The following TUBGCP2 variants were observed in gnomAD, a reference collection of about 807,000 sequenced individuals.
The protein encoded by TUBGCP2 is tubulin gamma complex component 2.
TUBGCP2 carries 55 observed loss-of-function variants against 92.2 expected under a neutral mutation model. The observed-to-expected ratio is 0.60, with a 90% CI of 0.48 to 0.75. TUBGCP2 has a LOEUF of 0.75. Ranked by LOEUF, TUBGCP2 falls within the 30% of genes least tolerant of loss-of-function variation. The probability of loss-of-function intolerance (pLI) is 0.00; values close to 1 mark genes in which losing one functional copy is unlikely to be tolerated. For missense variants in TUBGCP2, 1,093 were observed against 1,188.9 expected (o/e 0.92, Z 1.19); for synonymous variants, 533 against 505.2 (o/e 1.06, Z -0.74).
rs1846913002 is a variant in TUBGCP2, at chr10:133,279,587, G to T, written c.*179C>A. 2 of 912,072 alleles carry T rather than the reference G, an allele frequency of 2.2e-6. No individual in the cohort carries two copies. The highest frequency in any genetic ancestry group is 1.5e-6 in the Non-Finnish European group (1 of 649,412). 56.5% of individuals were successfully genotyped at this position (912,072 alleles called of 1,614,324 possible). The stretch of plus-strand genomic sequence containing the variant: ...ATCCAGGGAGACATCCACCCTGCCT[G>T]GGCAGCTTCTATAAAACGAAACCCA... On this transcript the variant is annotated 3_prime_UTR_variant, in exon 18 of 18. Coordinates refer to ENST00000252936, the MANE Select transcript of TUBGCP2 (RefSeq NM_006659.4).
chr10:133,280,440 C>T (rs1846938061), intron 17 of TUBGCP2, among the ~76,000 whole-genome samples: 1 of 152,244 alleles, frequency 6.6e-6, no homozygotes, highest in African/African-American at 2.4e-5. Context: ...TTCCCAAGGA[C>T]AGCACCCCCA....
Position 133,292,703 on chromosome 10 carries a change from G to C in TUBGCP2, c.1025-15C>G. On this transcript the variant is annotated splice_polypyrimidine_tract_variant and intron_variant, in intron 7 of 17. Coordinates refer to ENST00000252936, the MANE Select transcript of TUBGCP2 (RefSeq NM_006659.4). Reference sequence around the variant, plus strand: ...CACCGAGGTGGCTGTGGGGAGAAAGGAGGGCTCACTGCTGAGAAGGAAGCG... The same window carrying C: ...CACCGAGGTGGCTGTGGGGAGAAAGCAGGGCTCACTGCTGAGAAGGAAGCG... 6.2e-7 allele frequency: 1 copy of C among 1,609,524 alleles called. No individual in the cohort carries two copies. The highest frequency in any genetic ancestry group is 2.2e-5 in the East Asian group (1 of 44,690).
rs1266450060 is a variant in TUBGCP2 at position 133,285,704 on chromosome 10, C to T, written c.1723-76G>A. The T allele has an allele frequency of 1.7e-5, 24 of 1,396,466 alleles. No individual in the cohort carries two copies. The East Asian group carries it at 2.6e-4, about 15-fold the overall frequency. The allele number at this position is 1,396,466 out of a possible 1,614,324, so 86.5% of individuals were successfully genotyped here. A position where few individuals can be genotyped will look rare whatever the true frequency, so the allele number is the denominator to read the frequency against. The stretch of plus-strand genomic sequence containing the variant: ...GAAGTCGCATCCCGATCGCCATCCT[C>T]GCTCACAGACCCAGCGCTGACGTAA... On this transcript the variant is annotated intron_variant, in intron 11 of 17. Coordinates refer to ENST00000252936, the MANE Select transcript of TUBGCP2 (RefSeq NM_006659.4). This position sits in a 1 kb window ranked among gnomAD's most constrained non-coding sequence, Gnocchi z 6.8.
At chr10:133,311,684 C>T (rs768140354), upstream of TUBGCP2, 2 of 1,579,162 alleles carry the variant, frequency 1.3e-6, no homozygotes, top group Non-Finnish European at 1.7e-6. Flanking sequence ...GGGAGCCGTG[C>T]AGGGCAGTTA....
chr10:133,298,003 C>A lies in TUBGCP2; in HGVS notation c.565G>T (p.Gly189Trp), dbSNP rs755060352. ...ATGCCAGCACCAATCAGGAAATCCCCGATCAGGGCAGGTCTCTCATACACC... is the reference window on the plus strand; with the variant it reads ...ATGCCAGCACCAATCAGGAAATCCCAGATCAGGGCAGGTCTCTCATACACC... ...AWVYERPALIGDFLIGAGIST... is the reference protein window; with the variant it reads ...AWVYERPALIWDFLIGAGIST... The change falls in exon 5 of 18, where the codon GGG (glycine) becomes TGG (tryptophan). Residue 189 changes from glycine (G) to tryptophan (W), a missense_variant. Transcript: ENST00000252936. 1 of 1,613,880 alleles carries A rather than the reference C, an allele frequency of 6.2e-7. No individual in the cohort carries two copies. The highest frequency in any genetic ancestry group is 1.3e-5 in the African/African-American group (1 of 74,946).
chr10:133,290,149 T>C, intron 8 of TUBGCP2, 180 bp from the exon 9 acceptor site: 2 of 853,298 alleles, frequency 2.3e-6, no homozygotes, highest in East Asian at 2.7e-5. Context: ...AAAACGAACC[T>C]AGGGGCCGGG....
chr10:133,300,130 T>G lies in TUBGCP2; in HGVS notation c.151-17A>C, dbSNP rs750321001. 24 of 1,608,092 alleles carry G rather than the reference T, an allele frequency of 1.5e-5. No homozygotes were observed. In the Admixed American group the frequency reaches 1.7e-4, roughly 11 times the overall value. ...AATTTTAACCTCAAAAGCACAAACA[T>G]GAGTGATTTAATGACGGTAATTAAT... On this transcript the variant is annotated splice_polypyrimidine_tract_variant and intron_variant, in intron 2 of 17. Transcript: ENST00000252936.
chr10:133,281,468 C>T (rs200298469), intron 16 of TUBGCP2, 32 bp from the exon 17 acceptor site: 4 of 1,602,204 alleles, frequency 2.5e-6, no homozygotes, highest in South Asian at 2.2e-5. Context: ...GTGAGCCATG[C>T]CCACCCCCAC....
intron 15 of TUBGCP2, among the ~76,000 whole-genome samples, chr10:133,282,705 G>A (rs962189584): frequency 6.6e-6 from 1 of 152,232 alleles, no homozygotes; most frequent in African/African-American, 2.4e-5. Flanking sequence ...TAGACACGCA[G>A]GTTCTGCACC....
chr10:133,311,813 G>A (rs1481333612), upstream of TUBGCP2: 1 of 1,613,334 alleles, frequency 6.2e-7, no homozygotes, highest in East Asian at 2.2e-5. Flanking sequence ...CCCTGCACCG[G>A]CAGGTGAGAG....
chr10:133,281,436 G>T lies in TUBGCP2; in HGVS notation c.2410C>A (p.His804Asn). 6.2e-7 allele frequency: 1 copy of T among 1,611,958 alleles called. No individual in the cohort carries two copies. The highest frequency in any genetic ancestry group is 8.5e-7 in the Non-Finnish European group (1 of 1,179,754). Residue 804 changes from histidine (H) to asparagine (N), a missense_variant and splice_region_variant, in exon 17 of 18, where the codon CAC (histidine) becomes AAC (asparagine). Physicochemically the swap from His to Asn is moderately conservative, Grantham distance 68. Coordinates refer to ENST00000252936, the MANE Select transcript of TUBGCP2 (RefSeq NM_006659.4). ...ERARKELARK[H>N]LAEHADTVQL... ...ACAGTGTCTGCGTGCTCAGCCAGGT[G>T]CTGGAAAGAAAGCCGGGGTGCGTGA... is the stretch of plus-strand genomic sequence containing the variant.
Position 133,281,387 on chromosome 10 carries a change from G to A in TUBGCP2, c.2459C>T (p.Ala820Val), listed in dbSNP as rs374987694. 1 of 1,613,768 alleles carries A rather than the reference G, an allele frequency of 6.2e-7. No individual in the cohort carries two copies. Among genetic ancestry groups the A allele is most frequent in the African/African-American group, 1.3e-5 (1 of 75,054 alleles). Residue 820 changes from alanine to valine, a missense_variant, in exon 17 of 18, where the codon GCC becomes GTC. Physicochemically the swap from Ala to Val is moderately conservative, Grantham distance 64. Around this residue, in one of 3 missense-constraint regions of TUBGCP2, gnomAD observed 598 missense variants for 675.5 expected, o/e 0.89. Transcript: ENST00000252936. ...GTTCTTGTCAAACTTGTTGATGGTG[G>A]CCTCGAAGCCGGACACCAGCTGCAC... Reference protein sequence around the residue: ...DTVQLVSGFEATINKFDKNFS... With the variant: ...DTVQLVSGFEVTINKFDKNFS...
chr10:133,291,281 G>GTGTCCCCCA (rs1847290309), intron 8 of TUBGCP2, among the ~76,000 whole-genome samples: 1 of 70,806 alleles, frequency 1.4e-5, no homozygotes. Flanking sequence ...ATGTCCCTCC[G>GTGTCCCCCA]TGTCCCTGTG....
rs779607105 is a variant in TUBGCP2 at position 133,289,816 on chromosome 10, C to CGCCGCGGACGCCAAGTCCCTGCCCGCTGA, written c.1360+7_1360+8insTCAGCGGGCAGGGACTTGGCGTCCGCGGC. On this transcript the variant is annotated splice_region_variant and intron_variant, in intron 9 of 17. Coordinates refer to ENST00000252936, the MANE Select transcript of TUBGCP2 (RefSeq NM_006659.4). Reference sequence around the variant, plus strand: ...GCGCACCCCAAGTCCCCGCCCGCTGCGCCGCACCTGTGCTGAGGATCTTGT... The same window carrying CGCCGCGGACGCCAAGTCCCTGCCCGCTGA: ...GCGCACCCCAAGTCCCCGCCCGCTGCGCCGCGGACGCCAAGTCCCTGCCCGCTGAGCCGCACCTGTGCTGAGGATCTTGT... The CGCCGCGGACGCCAAGTCCCTGCCCGCTGA allele has an allele frequency of 7.4e-6, 12 of 1,613,608 alleles. No individual in the cohort carries two copies. The South Asian group carries it at 1.1e-4, about 15-fold the overall frequency.
At chr10:133,296,673 C>A (rs755672436) in intron 5 of TUBGCP2, among the ~76,000 whole-genome samples, 1 of 152,090 alleles carries the variant, frequency 6.6e-6, no homozygotes, top group Non-Finnish European at 1.5e-5. Context: ...AGACTAGTCT[C>A]GTCCTGTCGC....
chr10:133,307,613 C>CGCA (rs1847855926), intron 1 of TUBGCP2, among the ~76,000 whole-genome samples: 1 of 152,166 alleles, frequency 6.6e-6, no homozygotes. Flanking sequence ...AGCCTGGTGG[C>CGCA]GCACACTTGT....
chr10:133,306,180 C>CATCTTA (rs1394700392), intron 1 of TUBGCP2, among the ~76,000 whole-genome samples: 2 of 152,238 alleles, frequency 1.3e-5, no homozygotes, highest in African/African-American at 4.8e-5. Flanking sequence ...TCACTGACAA[C>CATCTTA]ATCTTAAACT....
chr10:133,303,295 TC>T (rs1847723898), intron 1 of TUBGCP2, among the ~76,000 whole-genome samples: 1 of 151,384 alleles, frequency 6.6e-6, no homozygotes, highest in Non-Finnish European at 1.5e-5. Flanking sequence ...TTAGGGCCCC[TC>T]CCCGACACCC....
In TUBGCP2 at chr10:133,285,410, A is replaced by T; in HGVS notation, c.1895+46T>A. ...GCGTGGCACAGTTCTCGCTTCTGCC[A>T]AACCTGAGTGAAGATCTGGCAGGTG... On this transcript the variant is annotated intron_variant, in intron 12 of 17. Transcript: ENST00000252936. This position sits in a 1 kb window ranked among gnomAD's most constrained non-coding sequence, Gnocchi z 6.8. 6.2e-7 allele frequency: 1 copy of T among 1,612,170 alleles called. No individual in the cohort carries two copies.
Sources: gnomAD v4.1 joint callset for allele counts (sites outside exome capture counted in the v4.1 genomes callset) on GRCh38, gnomAD v4.1.1 for gene constraint, gnomAD v4.1.1 regional missense constraint, Gnocchi (gnomAD v3.1) non-coding constraint, MANE v1.5 for transcripts, NCBI Gene and HGNC (gene_info 2026-07-23, HGNC 2026-07-21) for gene names.